Variants in OXR1 observed in about 807,000 individuals in gnomAD.
The protein encoded by OXR1 is oxidation resistance 1, also known as oxidation resistance protein 1.
A neutral mutation model predicts 104.6 loss-of-function variants in OXR1; 41 were observed. The observed-to-expected ratio is 0.39, with a 90% CI of 0.31 to 0.51. The LOEUF is 0.51. OXR1 is among the 20% of genes least tolerant of loss of function. OXR1 has a pLI of 0.77. For missense variants in OXR1, 955 were observed against 1,031.9 expected (o/e 0.93, Z 1.02); for synonymous variants, 348 against 348.4 (o/e 1.00, Z 0.01).
chr8:106,751,279 A>AT lies in OXR1; in HGVS notation c.*351dup, dbSNP rs58749938. The AT allele has an allele frequency of 0.013, 1,965 of 155,482 alleles. 18 individuals carry two copies. The highest frequency in any genetic ancestry group is 0.055 in the Middle Eastern group (19 of 344). 9.6% of individuals were successfully genotyped at this position (155,482 alleles called of 1,614,324 possible). A position where few individuals can be genotyped will look rare whatever the true frequency, so the allele number is the denominator to read the frequency against. ...GTGCTCTTTTGTTGAACCTGTATTG[A>AT]TTTTTTTTTTTTTAACTATATTGAT... is the stretch of plus-strand genomic sequence containing the variant. On this transcript the variant is annotated 3_prime_UTR_variant, in exon 17 of 17. Transcript: ENST00000517566.
chr8:106,730,957 C>G (rs1833833712), intron 11 of OXR1, among the ~76,000 whole-genome samples: 2 of 152,146 alleles, frequency 1.3e-5, no homozygotes, highest in Non-Finnish European at 2.9e-5. Flanking sequence ...TGTCTTTCAT[C>G]TGGCTGTACC....
At chr8:106,734,691 G>A (rs970639634) in intron 11 of OXR1, among the ~76,000 whole-genome samples, 2 of 152,154 alleles carry the variant, frequency 1.3e-5, no homozygotes, top group African/African-American at 4.8e-5. Context: ...ATTTGTAATA[G>A]TGATGGGTGG....
chr8:106,477,236 G>A lies in OXR1; in HGVS notation c.24-41707G>A, dbSNP rs573210315. Among the ~76,000 whole-genome samples the A allele has an allele frequency of 3.3e-5, 5 of 152,028 alleles. No individual in the cohort carries two copies. The East Asian group carries it at 7.8e-4, about 24-fold the overall frequency. The stretch of plus-strand genomic sequence containing the variant: ...ATGATGAAAAGTACACTAGAACCAT[G>A]AGAAATCACTTTTTCCCTGTGACAT... On this transcript the variant is annotated intron_variant, in intron 2 of 16. Transcript: ENST00000517566.
intron 3 of OXR1, among the ~76,000 whole-genome samples, chr8:106,678,442 G>T (rs1563696155): frequency 6.6e-6 from 1 of 151,850 alleles, no homozygotes; most frequent in Admixed American, 6.6e-5. Flanking sequence ...TTAATTTTGT[G>T]ATTTATTTAG....
chr8:106,310,573 T>A (rs962016277), intron 1 of OXR1, among the ~76,000 whole-genome samples: 1 of 152,214 alleles, frequency 6.6e-6, no homozygotes, highest in African/African-American at 2.4e-5. Context: ...TATCCTCTTA[T>A]AACTTCTAGA....
chr8:106,400,697 G>T (rs1053634795), intron 2 of OXR1, among the ~76,000 whole-genome samples: 4 of 152,092 alleles, frequency 2.6e-5, no homozygotes, highest in Non-Finnish European at 5.9e-5. Flanking sequence ...TAAATTTGTT[G>T]TGTTATAAAA....
intron 2 of OXR1, among the ~76,000 whole-genome samples, chr8:106,373,646 A>G (rs1211132287): frequency 1.3e-5 from 2 of 152,050 alleles, no homozygotes; most frequent in Non-Finnish European, 2.9e-5. Context: ...CTGGAGTGCA[A>G]TGGCATGATC....
intron 7 of OXR1, among the ~76,000 whole-genome samples, chr8:106,698,687 T>G (rs1035005254): frequency 1.6e-4 from 25 of 152,180 alleles, no homozygotes; most frequent in African/African-American, 5.5e-4. Flanking sequence ...GCATATTTCA[T>G]CTCACACATT....
intron 5 of OXR1, 100 bp from the exon 6 acceptor site, chr8:106,684,146 C>T: frequency 3.6e-5 from 22 of 608,266 alleles, no homozygotes; most frequent in South Asian, 9.7e-5. Context: ...TTATGTTTTT[C>T]TGTTTAATTG....
intron 2 of OXR1, among the ~76,000 whole-genome samples, chr8:106,425,509 G>A (rs1225278173): frequency 2.6e-5 from 4 of 152,120 alleles, no homozygotes; most frequent in Non-Finnish European, 4.4e-5. Flanking sequence ...AAAATAATCA[G>A]CAAAGAAAAG....
intron 7 of OXR1, among the ~76,000 whole-genome samples, chr8:106,700,628 A>G (rs925082391): frequency 1.3e-5 from 2 of 152,294 alleles, no homozygotes; most frequent in South Asian, 2.1e-4. Context: ...TGCTTTTCAA[A>G]TGATTTGTAT....
At chr8:106,695,518 A>G (rs1377909772) in intron 7 of OXR1, among the ~76,000 whole-genome samples, 1 of 151,776 alleles carries the variant, frequency 6.6e-6, no homozygotes, top group East Asian at 1.9e-4. Context: ...CCCAGGTTCA[A>G]GCAATTCTCC....
intron 3 of OXR1, among the ~76,000 whole-genome samples, chr8:106,633,862 G>A (rs1345795390): frequency 6.6e-6 from 1 of 152,126 alleles, no homozygotes; most frequent in Non-Finnish European, 1.5e-5. Context: ...TTTAATTTGA[G>A]GATTTGCTCC....
chr8:106,367,621 G>T (rs1816530378), intron 2 of OXR1, among the ~76,000 whole-genome samples: 1 of 152,046 alleles, frequency 6.6e-6, no homozygotes, highest in Non-Finnish European at 1.5e-5. Flanking sequence ...ATGAATGACA[G>T]AAATTTCTGC....
At chr8:106,724,609 A>T (rs1347376400) in intron 11 of OXR1, among the ~76,000 whole-genome samples, 1 of 152,206 alleles carries the variant, frequency 6.6e-6, no homozygotes, top group African/African-American at 2.4e-5. Flanking sequence ...GATTAATTAG[A>T]AACCATTTTT....
Position 106,684,226 on chromosome 8 carries a change from G to A in OXR1, c.412-20G>A, listed in dbSNP as rs929543399. On this transcript the variant is annotated intron_variant, in intron 5 of 16. Coordinates refer to ENST00000517566, the MANE Select transcript of OXR1 (RefSeq NM_001198533.2). Reference sequence around the variant, plus strand: ...AACACTTCATTTTAACTAAATCTTTGTGTGAATGTTTTCTTACAGGTTCTG... The same window carrying A: ...AACACTTCATTTTAACTAAATCTTTATGTGAATGTTTTCTTACAGGTTCTG... The A allele has an allele frequency of 1.3e-5, 16 of 1,193,804 alleles. No individual in the cohort carries two copies. The highest frequency in any genetic ancestry group is 1.9e-5 in the Non-Finnish European group (15 of 801,342). 74.0% of individuals were successfully genotyped at this position (1,193,804 alleles called of 1,614,324 possible). A position where few individuals can be genotyped will look rare whatever the true frequency, so the allele number is the denominator to read the frequency against.
chr8:106,598,818 A>G (rs1819723166), intron 3 of OXR1, among the ~76,000 whole-genome samples: 1 of 152,208 alleles, frequency 6.6e-6, no homozygotes, highest in African/African-American at 2.4e-5. Flanking sequence ...CAAAAACTTA[A>G]TCTCACAAGT....
rs563705005 is a variant in OXR1 at position 106,641,550 on chromosome 8, C to T, written c.221-37660C>T. On this transcript the variant is annotated intron_variant, in intron 3 of 16. Transcript: ENST00000517566. ...CAGAGGTGTAAGGTGGTTATGGGAG[C>T]GCTGAATCTTTCTCAACATCCAGTA... Among the ~76,000 whole-genome samples the T allele has an allele frequency of 1.3e-3, 203 of 152,240 alleles. 1 individual carries two copies. Among genetic ancestry groups the T allele is most frequent in the Non-Finnish European group, 2.2e-3 (151 of 68,008 alleles).
intron 1 of OXR1, among the ~76,000 whole-genome samples, chr8:106,295,556 T>A (rs1370826016): frequency 6.6e-6 from 1 of 152,116 alleles, no homozygotes; most frequent in Non-Finnish European, 1.5e-5. Flanking sequence ...ATCTAGTAAT[T>A]TTTTTCTCTT....
Sources: allele counts gnomAD v4.1 joint callset (sites outside exome capture counted in the v4.1 genomes callset), GRCh38; gene constraint gnomAD v4.1.1; transcripts MANE v1.5; gene names NCBI Gene and HGNC (gene_info 2026-07-23, HGNC 2026-07-21).